NFIA: variants seen among roughly 807,000 people sequenced by gnomAD.
NFIA encodes the protein nuclear factor 1 A-type.
Under a neutral mutation model 62.8 loss-of-function variants are expected in NFIA, and 8 were observed. That is an observed-to-expected ratio of 0.13 (90% CI 0.07 to 0.23). The LOEUF (loss-of-function observed/expected upper bound fraction) is 0.23. Among genes scored for constraint, NFIA ranks in the 10% least tolerant of loss-of-function variants. NFIA has a pLI of 1.00. For missense variants in NFIA, 410 were observed against 642.1 expected, an observed-to-expected ratio of 0.64 and a Z score of 3.91; for synonymous variants, 235 against 238.1, an observed-to-expected ratio of 0.99 and a Z score of 0.12.
Position 61,462,544 on chromosome 1 carries a change from C to G in NFIA, c.*7224C>G, listed in dbSNP as rs1668587568. On this transcript the variant is annotated 3_prime_UTR_variant, in exon 11 of 11. Coordinates refer to ENST00000403491, the MANE Select transcript of NFIA (RefSeq NM_001134673.4). The stretch of plus-strand genomic sequence containing the variant: ...TGTGCCTCTAGTATACTTGTATTGA[C>G]TCTCATAGTTACCCTTTTAGTTTTA... 1 of 152,190 alleles carries G rather than the reference C, an allele frequency of 6.6e-6. No homozygotes were observed. Among genetic ancestry groups the G allele is most frequent in the South Asian group, 2.1e-4 (1 of 4,834 alleles). 9.4% of individuals were successfully genotyped at this position (152,190 alleles called of 1,614,324 possible).
At chr1:61,129,189 T>C (rs937156123) in intron 2 of NFIA, among the ~76,000 whole-genome samples, 1 of 152,122 alleles carries the variant, frequency 6.6e-6, no homozygotes, top group Non-Finnish European at 1.5e-5. Flanking sequence ...CCCAGAGTGC[T>C]GGGATTACAG....
chr1:61,345,400 A>G (rs1373953492), intron 4 of NFIA, among the ~76,000 whole-genome samples: 1 of 152,206 alleles, frequency 6.6e-6, no homozygotes, highest in Non-Finnish European at 1.5e-5. Flanking sequence ...GAGCTCTAGG[A>G]CCTGTAGGAT....
chr1:61,380,423 T>C (rs777266682), intron 6 of NFIA, among the ~76,000 whole-genome samples: 2 of 152,192 alleles, frequency 1.3e-5, no homozygotes, highest in Non-Finnish European at 2.9e-5. Flanking sequence ...ACAGTAATTT[T>C]GTAACAGTTG....
At chr1:61,122,276 CAA>C (rs1256249961) in intron 2 of NFIA, among the ~76,000 whole-genome samples, 3 of 152,106 alleles carry the variant, frequency 2.0e-5, no homozygotes, top group African/African-American at 7.2e-5. Flanking sequence ...TGCAAACTAA[CAA>C]GAGAAGATGG....
intron 2 of NFIA, among the ~76,000 whole-genome samples, chr1:61,218,540 G>A (rs1254382316): frequency 1.3e-5 from 2 of 152,146 alleles, no homozygotes; most frequent in Non-Finnish European, 2.9e-5. Context: ...CGTAAAACTT[G>A]TAACATACAT....
chr1:61,312,122 C>A (rs1425290078), intron 3 of NFIA, among the ~76,000 whole-genome samples: 1 of 152,212 alleles, frequency 6.6e-6, no homozygotes, highest in Non-Finnish European at 1.5e-5. Context: ...CACCTGCACT[C>A]TATATCACAG....
chr1:61,335,571 G>A (rs1475262859), intron 4 of NFIA, among the ~76,000 whole-genome samples: 1 of 152,140 alleles, frequency 6.6e-6, no homozygotes, highest in Non-Finnish European at 1.5e-5. Context: ...GGCCAGGCGC[G>A]GTGGCTCATG....
intron 9 of NFIA, among the ~76,000 whole-genome samples, chr1:61,419,088 A>G (rs907352099): frequency 1.4e-4 from 21 of 152,366 alleles, no homozygotes; most frequent in African/African-American, 4.8e-4. Context: ...GAACTGAAAC[A>G]AAGTTGTATT....
intron 2 of NFIA, among the ~76,000 whole-genome samples, chr1:61,112,392 G>C (rs966512604): frequency 1.1e-4 from 17 of 152,044 alleles, no homozygotes; most frequent in Admixed American, 7.9e-4. Context: ...TGACTTACTA[G>C]GTGTTATGAT....
chr1:61,333,687 T>C (rs543553460), intron 4 of NFIA, among the ~76,000 whole-genome samples: 66 of 152,288 alleles, frequency 4.3e-4, no homozygotes, highest in Admixed American at 2.0e-3. Flanking sequence ...AGGGTCTATA[T>C]AAGTTATTTA....
At chr1:61,434,028 C>T (rs993569338) in intron 10 of NFIA, among the ~76,000 whole-genome samples, 6 of 152,182 alleles carry the variant, frequency 3.9e-5, no homozygotes, top group African/African-American at 1.4e-4. Context: ...GAGCATCAAC[C>T]TTACAGGTGC....
rs531482763 is a variant in NFIA, at chr1:61,378,936, C to G, written c.947-4301C>G. On this transcript the variant is annotated intron_variant, in intron 6 of 10. Coordinates refer to ENST00000403491, the MANE Select transcript of NFIA (RefSeq NM_001134673.4). ...TTCTTCAAAGCCTGAAGAAGAATCT[C>G]TCTGACTTCTAATTCCTTTTATACA... 1.8e-3 allele frequency among the ~76,000 whole-genome samples: 280 copies of G among 152,302 alleles called. 3 individuals are homozygous for G. Among genetic ancestry groups the G allele is most frequent in the Non-Finnish European group, 3.4e-3 (228 of 68,026 alleles).
chr1:61,143,591 A>G (rs973414584), intron 2 of NFIA, among the ~76,000 whole-genome samples: 1 of 152,204 alleles, frequency 6.6e-6, no homozygotes, highest in South Asian at 2.1e-4. Flanking sequence ...GGGTTTCACC[A>G]TGTTGCCCAG....
chr1:61,143,302 G>GT (rs1159651923), intron 2 of NFIA, among the ~76,000 whole-genome samples: 3 of 152,166 alleles, frequency 2.0e-5, no homozygotes, highest in Middle Eastern at 3.2e-3. Context: ...CTTGACAAAC[G>GT]TATGTTTGTG....
intron 2 of NFIA, among the ~76,000 whole-genome samples, chr1:61,210,117 A>G (rs1029086462): frequency 5.9e-5 from 9 of 152,206 alleles, no homozygotes; most frequent in Admixed American, 5.9e-4. Context: ...GTGTATAGAC[A>G]TAAAAACTGG....
intron 7 of NFIA, among the ~76,000 whole-genome samples, chr1:61,393,374 G>T (rs1409736689): frequency 2.0e-5 from 2 of 101,676 alleles, no homozygotes; most frequent in Non-Finnish European, 3.8e-5. Flanking sequence ...TGTGAGCTTT[G>T]TGCTTAGGCT....
At chr1:61,109,899 C>T (rs982125169) in intron 2 of NFIA, among the ~76,000 whole-genome samples, 2 of 151,936 alleles carry the variant, frequency 1.3e-5, no homozygotes, top group Non-Finnish European at 2.9e-5. Context: ...GTATCACTAT[C>T]AAAGTATCTT....
chr1:61,241,388 C>G (rs1470140962), intron 2 of NFIA, among the ~76,000 whole-genome samples: 1 of 152,104 alleles, frequency 6.6e-6, no homozygotes. Flanking sequence ...GATATCATTA[C>G]CTCAGTGAGG....
chr1:61,399,490 C>T (rs1166140315), intron 7 of NFIA, among the ~76,000 whole-genome samples: 1 of 152,110 alleles, frequency 6.6e-6, no homozygotes, highest in Non-Finnish European at 1.5e-5. Flanking sequence ...GAATCTGCAA[C>T]GGTTCATGGA....
Sources: gnomAD v4.1 joint callset for allele counts (sites outside exome capture counted in the v4.1 genomes callset) on GRCh38, gnomAD v4.1.1 for gene constraint, MANE v1.5 for transcripts, NCBI Gene and HGNC (gene_info 2026-07-23, HGNC 2026-07-21) for gene names.